The following SETX variants were observed in gnomAD, a reference collection of about 807,000 sequenced individuals.
SETX encodes the protein helicase senataxin.
A neutral mutation model predicts 227.2 loss-of-function variants in SETX; 90 were observed. The ratio of observed to expected loss-of-function variants is 0.40; its 90% CI spans 0.33 to 0.47. The LOEUF is 0.47. Ranked by LOEUF, SETX falls within the 20% of genes least tolerant of loss-of-function variation. The pLI is 0.91. For synonymous variants in SETX, 1,210 were observed against 1,113.2 expected (o/e 1.09, Z -1.73); for missense variants, 3,052 against 3,181.5 (o/e 0.96, Z 0.98).
chr9:132,348,710 G>C (rs1488165938), intron 3 of SETX, among the ~76,000 whole-genome samples: 2 of 149,690 alleles, frequency 1.3e-5, no homozygotes, highest in Non-Finnish European at 3.0e-5. Flanking sequence ...AGGATCACTT[G>C]AGCTCAGGAG....
In SETX at chr9:132,328,233, C is replaced by T. The variant is rs747846833; in HGVS notation, c.3365G>A (p.Gly1122Asp). 1 of 1,614,164 alleles carries T rather than the reference C, an allele frequency of 6.2e-7. No homozygotes were observed. The highest frequency in any genetic ancestry group is 1.3e-5 in the African/African-American group (1 of 75,050). ...APIANTTNGQGCTDYVSEVVK... is the reference protein window; with the variant it reads ...APIANTTNGQDCTDYVSEVVK... ...AACTTCAGATACATAATCTGTACAA[C>T]CCTGACCATTTGTAGTATTGGCTAT... Residue 1122 changes from glycine (G) to aspartate (D), a missense_variant, in exon 10 of 26, where the codon GGT becomes GAT. By Grantham distance (94) the Gly-to-Asp change is moderately conservative (BLOSUM62 -1). Coordinates refer to ENST00000224140, the MANE Select transcript of SETX (RefSeq NM_015046.7).
chr9:132,274,455 T>C (rs796393803), intron 23 of SETX, among the ~76,000 whole-genome samples: 4 of 151,256 alleles, frequency 2.6e-5, no homozygotes, highest in African/African-American at 9.7e-5. Flanking sequence ...TTTTTTTTTT[T>C]TGAGATGGAG....
chr9:132,328,697 T>C lies in SETX; in HGVS notation c.2901A>G (p.Leu967=), dbSNP rs764113010. ...ACGTAATAACACTGGCTTGAGCTAG[T>C]AAAGATAATTTGTGAAGGTCTCTGT... The part of the protein sequence containing the change: ...QIDRDLHKLS[L]LAQASVITFP... Residue 967 remains leucine (L), a synonymous_variant, in exon 10 of 26, where the codon TTA becomes TTG. Transcript: ENST00000224140. 6.8e-6 allele frequency: 11 copies of C among 1,613,862 alleles called. No individual in the cohort carries two copies. The highest frequency in any genetic ancestry group is 8.5e-6 in the Non-Finnish European group (10 of 1,179,874).
chr9:132,305,592 A>G (rs1845289780), intron 11 of SETX, among the ~76,000 whole-genome samples: 1 of 152,192 alleles, frequency 6.6e-6, no homozygotes. Context: ...AGAAGAGCAC[A>G]AACTACTTCT....
intron 5 of SETX, among the ~76,000 whole-genome samples, chr9:132,338,090 C>CTTTTTT (rs71376637): frequency 7.9e-6 from 1 of 126,516 alleles, no homozygotes; most frequent in Non-Finnish European, 1.6e-5. Context: ...GAGGAACACT[C>CTTTTTT]TTTTTTTTTT....
At chr9:132,344,498 T>G (rs1315734013) in intron 4 of SETX, among the ~76,000 whole-genome samples, 2 of 152,222 alleles carry the variant, frequency 1.3e-5, no homozygotes, top group African/African-American at 2.4e-5. Flanking sequence ...GTGTGGTCCC[T>G]GACTAGATTC....
chr9:132,322,038 G>A (rs1846392230), intron 10 of SETX, among the ~76,000 whole-genome samples: 1 of 151,800 alleles, frequency 6.6e-6, no homozygotes, highest in Non-Finnish European at 1.5e-5. Context: ...CATGAAGAAT[G>A]AAACTAATGC....
At chr9:132,334,017 C>T (rs1332662338) in intron 7 of SETX, among the ~76,000 whole-genome samples, 1 of 151,894 alleles carries the variant, frequency 6.6e-6, no homozygotes, top group African/African-American at 2.4e-5. Flanking sequence ...GAAGGCTTAC[C>T]CCACAATGTT....
chr9:132,264,937 C>T lies in SETX; in HGVS notation c.7336G>A (p.Ala2446Thr), dbSNP rs781302396. 1 of 1,614,132 alleles carries T rather than the reference C, an allele frequency of 6.2e-7. No individual in the cohort carries two copies. The highest frequency in any genetic ancestry group is 1.1e-5 in the South Asian group (1 of 91,086). The change falls in exon 26 of 26, where the codon GCC becomes ACC. Residue 2446 changes from alanine to threonine, a missense_variant. Around this residue, in one of 10 missense-constraint regions of SETX, gnomAD observed 412 missense variants for 589.0 expected, o/e 0.70. Transcript: ENST00000224140. The stretch of plus-strand genomic sequence containing the variant: ...TTTTTGTCACAGGTCTTAATAATGG[C>T]ACCACGCTTCTGAGCATCCTGAATC... Reference protein sequence around the residue: ...QLIQDAQKRGAIIKTCDKNYR... With the variant: ...QLIQDAQKRGTIIKTCDKNYR...
rs769387975 is a variant in SETX, at chr9:132,296,959, G to A, written c.5877C>T (p.Cys1959=). The A allele has an allele frequency of 2.5e-6, 4 of 1,614,090 alleles. No homozygotes were observed. The Admixed American group carries it at 6.7e-5, about 27-fold the overall frequency. The change falls in exon 14 of 26, where the codon TGC becomes TGT. Residue 1959 remains cysteine, a synonymous_variant. Coordinates refer to ENST00000224140, the MANE Select transcript of SETX (RefSeq NM_015046.7). ...VKHSPSVAKI[C]LIHGPPGTGK... ...CTGTTCCAGGTGGTCCATGAATCAA[G>A]CAGATTTTGGCAACTGATGGTGAGT...
At chr9:132,318,330 C>G (rs1232472712) in intron 10 of SETX, among the ~76,000 whole-genome samples, 1 of 152,100 alleles carries the variant, frequency 6.6e-6, no homozygotes, top group Non-Finnish European at 1.5e-5. Context: ...TTTTGCTTTA[C>G]CTGCTCCATG....
intron 15 of SETX, among the ~76,000 whole-genome samples, chr9:132,291,997 A>T (rs1275104437): frequency 6.6e-6 from 1 of 152,204 alleles, no homozygotes; most frequent in African/African-American, 2.4e-5. Flanking sequence ...CAAGTGATTT[A>T]ATTAAATTTA....
intron 2 of SETX, among the ~76,000 whole-genome samples, chr9:132,349,969 A>AT (rs2131578288): frequency 6.6e-6 from 1 of 152,298 alleles, no homozygotes; most frequent in East Asian, 1.9e-4. Context: ...GAGACACAAT[A>AT]TATTGGTGGT....
intron 17 of SETX, 120 bp downstream of exon 17, chr9:132,288,116 C>T: frequency 1.3e-6 from 1 of 758,082 alleles, no homozygotes; most frequent in Non-Finnish European, 2.3e-6. Context: ...GGTGAGGCTG[C>T]AGTGAGTCAG....
chr9:132,352,757 T>C (rs992847236), intron 2 of SETX, among the ~76,000 whole-genome samples: 1 of 152,202 alleles, frequency 6.6e-6, no homozygotes, highest in Non-Finnish European at 1.5e-5. Flanking sequence ...TACTCACATA[T>C]CTGACAGGCA....
intron 11 of SETX, among the ~76,000 whole-genome samples, chr9:132,305,030 T>C (rs1845242583): frequency 6.7e-6 from 1 of 149,438 alleles, no homozygotes; most frequent in South Asian, 2.1e-4. Context: ...GAATTAAACA[T>C]ATTAGCTACT....
chr9:132,341,237 TA>T (rs869287150), intron 5 of SETX, among the ~76,000 whole-genome samples: 2 of 152,082 alleles, frequency 1.3e-5, no homozygotes, highest in South Asian at 2.1e-4. Flanking sequence ...AATATAATAA[TA>T]AAAAAAATTT....
In SETX at chr9:132,349,397, C is replaced by A; in HGVS notation, c.32G>T (p.Gly11Val). 6.2e-7 allele frequency: 1 copy of A among 1,614,168 alleles called. No individual in the cohort carries two copies. Among genetic ancestry groups the A allele is most frequent in the Non-Finnish European group, 8.5e-7 (1 of 1,180,042 alleles). MSTCCWCTPG[G>V]ASTIDFLKRY... ...CTTTAGGAAGTCAATGGTGGAAGCA[C>A]CACCTGGCGTACACCAACAACATGT... Residue 11 changes from glycine to valine, a missense_variant, in exon 3 of 26, where the codon GGT becomes GTT. Around this residue, in one of 10 missense-constraint regions of SETX, gnomAD observed 152 missense variants for 156.2 expected, o/e 0.97. Transcript: ENST00000224140.
In SETX at chr9:132,262,566, A is replaced by G. The variant is rs1304077227; in HGVS notation, c.*1673T>C. 1 of 152,552 alleles carries G rather than the reference A, an allele frequency of 6.6e-6. No individual in the cohort carries two copies. The highest frequency in any genetic ancestry group is 1.5e-5 in the Non-Finnish European group (1 of 68,056). The allele number at this position is 152,552 out of a possible 1,614,324, so 9.4% of individuals were successfully genotyped here. A position where few individuals can be genotyped will look rare whatever the true frequency, so the allele number is the denominator to read the frequency against. On this transcript the variant is annotated 3_prime_UTR_variant, in exon 26 of 26. Transcript: ENST00000224140. ...AAAGACAAACTCTCCACCCCCACAG[A>G]GGAAGCAGTGGCTGACTCTGGGGAC...
Sources: gnomAD v4.1 joint callset for allele counts (sites outside exome capture counted in the v4.1 genomes callset) on GRCh38, gnomAD v4.1.1 for gene constraint, gnomAD v4.1.1 regional missense constraint, MANE v1.5 for transcripts, NCBI Gene and HGNC (gene_info 2026-07-23, HGNC 2026-07-21) for gene names.